The following POLQ variants were observed in gnomAD, a reference collection of about 807,000 sequenced individuals.
POLQ encodes the protein epididymis secretory sperm binding protein.
Under a neutral mutation model 259.2 loss-of-function variants are expected in POLQ, and 233 were observed. The observed-to-expected ratio is 0.90, with a 90% CI of 0.81 to 1.00. The LOEUF (loss-of-function observed/expected upper bound fraction) is 1.00, where lower values mean the gene tolerates loss of function less well. POLQ is among the 50% of genes least tolerant of loss of function. The pLI, the probability that POLQ is intolerant of heterozygous loss-of-function variation, is 0.00. For missense variants in POLQ, 2,871 were observed against 3,051.6 expected (o/e 0.94, Z 1.39); for synonymous variants, 1,025 against 1,048.8 (o/e 0.98, Z 0.44).
intron 15 of POLQ, among the ~76,000 whole-genome samples, 192 bp downstream of exon 15, chr3:121,493,286 G>A (rs1402647295): frequency 6.6e-6 from 1 of 151,500 alleles, no homozygotes; most frequent in Admixed American, 6.6e-5. Context: ...TGGGTAACAA[G>A]AGTGAGACTT....
intron 26 of POLQ, among the ~76,000 whole-genome samples, chr3:121,443,635 G>T (rs1302668564): frequency 1.3e-5 from 2 of 152,048 alleles, no homozygotes; most frequent in African/African-American, 4.8e-5. Context: ...TGCTGTGGTT[G>T]CCTGCGCTTG....
chr3:121,521,871 C>T, intron 8 of POLQ, 132 bp downstream of exon 8: 4 of 625,720 alleles, frequency 6.4e-6, no homozygotes, highest in Non-Finnish European at 1.0e-5. Flanking sequence ...ACGCCCAGCC[C>T]ACACAATTTC....
chr3:121,465,866 G>A (rs2108786694), intron 24 of POLQ, among the ~76,000 whole-genome samples: 1 of 152,188 alleles, frequency 6.6e-6, no homozygotes, highest in South Asian at 2.1e-4. Context: ...CCCTACAATG[G>A]CAATGGCCTC....
At chr3:121,509,755 TAAAAC>T (rs2048237966) in intron 11 of POLQ, 52 bp from the exon 12 acceptor site, 1 of 1,522,480 alleles carries the variant, frequency 6.6e-7, no homozygotes, top group African/African-American at 1.4e-5. Flanking sequence ...CAAAATAAAA[TAAAAC>T]AAAATACTAT....
intron 7 of POLQ, among the ~76,000 whole-genome samples, chr3:121,526,312 C>T (rs1353049563): frequency 6.6e-6 from 1 of 152,180 alleles, no homozygotes; most frequent in Non-Finnish European, 1.5e-5. Flanking sequence ...CCTTCTTGTA[C>T]AACCAAAAGA....
At chr3:121,451,559 A>C (rs1054404071) in intron 25 of POLQ, among the ~76,000 whole-genome samples, 2 of 151,982 alleles carry the variant, frequency 1.3e-5, no homozygotes, top group African/African-American at 4.8e-5. Context: ...TCCGCTCCAG[A>C]CTCTGTTTGC....
At chr3:121,538,448 A>C (rs2048465934) in intron 4 of POLQ, among the ~76,000 whole-genome samples, 1 of 152,116 alleles carries the variant, frequency 6.6e-6, no homozygotes, top group South Asian at 2.1e-4. Flanking sequence ...ACCAAAAGAC[A>C]ACTTTCTGGT....
At chr3:121,498,958 G>A (rs1021465232) in intron 12 of POLQ, among the ~76,000 whole-genome samples, 1 of 152,144 alleles carries the variant, frequency 6.6e-6, no homozygotes, top group Non-Finnish European at 1.5e-5. Context: ...GTTCATGCCT[G>A]TAATCCCAAT....
intron 6 of POLQ, among the ~76,000 whole-genome samples, chr3:121,531,937 A>G (rs1278082122): frequency 1.3e-5 from 2 of 152,180 alleles, no homozygotes; most frequent in African/African-American, 4.8e-5. Flanking sequence ...TTCTATTTCC[A>G]ATTCTAAAAT....
rs1344562582 is a variant in POLQ, at chr3:121,487,831, T to TAGAAGCAATC, written c.5099_5100insGATTGCTTCT (p.Val1701IlefsTer9). 1 of 1,609,220 alleles carries TAGAAGCAATC rather than the reference T, an allele frequency of 6.2e-7. No homozygotes were observed. Among genetic ancestry groups the TAGAAGCAATC allele is most frequent in the East Asian group, 2.2e-5 (1 of 44,868 alleles). ...CTAGCATCTCAATCTTGCTTTTTAC[T>TAGAAGCAATC]TCATTATTAGAAGAAAATGAAATTC... On this transcript the variant is annotated frameshift_variant, in exon 16 of 30. Coordinates refer to ENST00000264233, the MANE Select transcript of POLQ (RefSeq NM_199420.4). LOFTEE classifies it high-confidence loss of function.
rs1422116638 is a variant in POLQ at position 121,431,988 on chromosome 3, T to C, written c.*316A>G. 1 of 219,072 alleles carries C rather than the reference T, an allele frequency of 4.6e-6. No homozygotes were observed. The highest frequency in any genetic ancestry group is 8.9e-6 in the Non-Finnish European group (1 of 112,750). 13.6% of individuals were successfully genotyped at this position (219,072 alleles called of 1,614,324 possible). On this transcript the variant is annotated 3_prime_UTR_variant, in exon 30 of 30. Transcript: ENST00000264233. ...TACCCAGACAGATGTGGAACCAAAG[T>C]GCTAAGTGCATATTTCAAGCATCTG...
rs781330138 is a variant in POLQ at position 121,532,953 on chromosome 3, A to C, written c.960+37T>G. 4 of 1,254,120 alleles carry C rather than the reference A, an allele frequency of 3.2e-6. No individual in the cohort carries two copies. In the Admixed American group the frequency reaches 8.5e-5, roughly 27 times the overall value. 77.7% of individuals were successfully genotyped at this position (1,254,120 alleles called of 1,614,324 possible). A position where few individuals can be genotyped will look rare whatever the true frequency, so the allele number is the denominator to read the frequency against. ...TGCTAGAAAATGAAATCAAACACAC[A>C]GATAAAAATAGTAGTGATGTACATA... On this transcript the variant is annotated intron_variant, in intron 6 of 29. Coordinates refer to ENST00000264233, the MANE Select transcript of POLQ (RefSeq NM_199420.4).
At chr3:121,501,578 C>T (rs2048168370) in intron 12 of POLQ, among the ~76,000 whole-genome samples, 1 of 129,336 alleles carries the variant, frequency 7.7e-6, no homozygotes, top group Admixed American at 9.2e-5. Context: ...AGGAGAATGG[C>T]GTGAACCCGG....
At position 121,529,764 on chromosome 3, in the gene POLQ, CAT is replaced by C. The variant is rs1221641047; in HGVS notation, c.987_988del (p.Cys330LeufsTer2). On this transcript the variant is annotated frameshift_variant, in exon 7 of 30. Transcript: ENST00000264233. LOFTEE classifies it high-confidence loss of function. ...ATGGTTATCACAAATCGTCTCATAACATAAACTAACAACATGGTCCTCATCTC... is the reference window on the plus strand; with the variant it reads ...ATGGTTATCACAAATCGTCTCATAACAAACTAACAACATGGTCCTCATCTC... The C allele has an allele frequency of 1.2e-6, 2 of 1,611,938 alleles. No homozygotes were observed. The highest frequency in any genetic ancestry group is 8.5e-7 in the Non-Finnish European group (1 of 1,178,872).
At chr3:121,447,555 GTCTT>G (rs1298208022) in intron 26 of POLQ, among the ~76,000 whole-genome samples, 6 of 152,060 alleles carry the variant, frequency 3.9e-5, no homozygotes, top group South Asian at 4.1e-4. Flanking sequence ...TAATATTTTT[GTCTT>G]TCTATTTAAG....
At chr3:121,492,544 GA>G (rs1460753218) in intron 15 of POLQ, among the ~76,000 whole-genome samples, 2 of 151,854 alleles carry the variant, frequency 1.3e-5, no homozygotes, top group African/African-American at 4.8e-5. Flanking sequence ...GATATATAAT[GA>G]AATCACATCA....
chr3:121,501,740 G>A (rs1195959281), intron 12 of POLQ, among the ~76,000 whole-genome samples: 2 of 150,894 alleles, frequency 1.3e-5, no homozygotes, highest in Non-Finnish European at 2.9e-5. Context: ...AGAACTTTGG[G>A]AGGCTGGGTG....
chr3:121,533,064 C>G lies in POLQ; in HGVS notation c.886G>C (p.Val296Leu), dbSNP rs755361124. The change falls in exon 6 of 30, where the codon GTA (valine) becomes CTA (leucine). Residue 296 changes from valine (V) to leucine (L), a missense_variant. Physicochemically the swap from Val to Leu is conservative, Grantham distance 32. This residue lies in a region of POLQ where 783 missense variants were observed against 906.2 expected (regional missense o/e 0.86). Transcript: ENST00000264233. ...DFRPVPLLES[V>L]KVGNSIYDSS... ...TCATATATGGAATTTCCAACTTTTA[C>G]TGACTCCAAAAGCGGTACAGGGCGA... is the stretch of plus-strand genomic sequence containing the variant. The G allele has an allele frequency of 2.5e-6, 4 of 1,613,846 alleles. No individual in the cohort carries two copies. In the Admixed American group the frequency reaches 6.7e-5, roughly 27 times the overall value.
At chr3:121,512,130 G>C (rs1266956413) in intron 9 of POLQ, 101 bp from the exon 10 acceptor site, 1 of 949,340 alleles carries the variant, frequency 1.1e-6, no homozygotes, top group East Asian at 2.5e-5. Flanking sequence ...AAGCAGACAA[G>C]AGATGATAGT....
Sources: gnomAD v4.1 joint callset for allele counts (sites outside exome capture counted in the v4.1 genomes callset) on GRCh38, gnomAD v4.1.1 for gene constraint, gnomAD v4.1.1 regional missense constraint, MANE v1.5 for transcripts, NCBI Gene and HGNC (gene_info 2026-07-23, HGNC 2026-07-21) for gene names.